FSIP2: variants seen among roughly 807,000 people sequenced by gnomAD.
FSIP2 encodes the protein fibrous sheath interacting protein 2.
A neutral mutation model predicts 510.5 loss-of-function variants in FSIP2; 367 were observed. The ratio of observed to expected loss-of-function variants is 0.72; its 90% CI spans 0.66 to 0.78. The LOEUF (loss-of-function observed/expected upper bound fraction) is 0.78, where lower values mean the gene tolerates loss of function less well. Among genes scored for constraint, FSIP2 ranks in the 30% least tolerant of loss-of-function variants. The pLI, the probability that FSIP2 is intolerant of heterozygous loss-of-function variation, is 0.00. For synonymous variants in FSIP2, 2,601 were observed against 2,732.2 expected (o/e 0.95, Z 1.50); for missense variants, 7,594 against 7,901.7 (o/e 0.96, Z 1.48).
chr2:185,752,781 C>T (rs1031830859), intron 7 of FSIP2, among the ~76,000 whole-genome samples: 4 of 151,254 alleles, frequency 2.6e-5, no homozygotes, highest in African/African-American at 9.7e-5. Flanking sequence ...ATTTTTGAGT[C>T]CATTTCAGTT....
chr2:185,786,382 A>C (rs1226392023), intron 15 of FSIP2, 94 bp downstream of exon 15: 14 of 783,226 alleles, frequency 1.8e-5, no homozygotes, highest in East Asian at 2.7e-5. Context: ...AGTAATAGGA[A>C]TCATCCATTG....
At position 185,800,145 on chromosome 2, in the gene FSIP2, T is replaced by G. The variant is rs778733046; in HGVS notation, c.10839T>G (p.His3613Gln). ...LFQDLLVGVI[H>Q]VLSKEIEVDY... ...AGGATCTCTTAGTAGGAGTGATTCATGTACTGTCCAAAGAAATAGAAGTAG... is the reference window on the plus strand; with the variant it reads ...AGGATCTCTTAGTAGGAGTGATTCAGGTACTGTCCAAAGAAATAGAAGTAG... The change falls in exon 17 of 23, where the codon CAT (histidine) becomes CAG (glutamine). Residue 3613 changes from histidine (H) to glutamine (Q), a missense_variant. By Grantham distance (24) the His-to-Gln change is conservative. Coordinates refer to ENST00000424728, the MANE Select transcript of FSIP2 (RefSeq NM_173651.4). 11 of 1,534,030 alleles carry G rather than the reference T, an allele frequency of 7.2e-6. No individual in the cohort carries two copies. Among genetic ancestry groups the G allele is most frequent in the Non-Finnish European group, 8.7e-6 (10 of 1,145,616 alleles).
In FSIP2 at chr2:185,804,231, T is replaced by G. The variant is rs976411605; in HGVS notation, c.14925T>G (p.Asp4975Glu). The change falls in exon 17 of 23, where the codon GAT becomes GAG. Residue 4975 changes from aspartate (D) to glutamate (E), a missense_variant. Asp to Glu is a conservative substitution (Grantham distance 45). Coordinates refer to ENST00000424728, the MANE Select transcript of FSIP2 (RefSeq NM_173651.4). Reference sequence around the variant, plus strand: ...ACATGTTGGTTACTGAAAATCCAGATAGAGTGAAACTGAAACTTACCAGGA... The same window carrying G: ...ACATGTTGGTTACTGAAAATCCAGAGAGAGTGAAACTGAAACTTACCAGGA... ...SHNMLVTENPDRVKLKLTRIV... is the reference protein window; with the variant it reads ...SHNMLVTENPERVKLKLTRIV... 47 of 1,526,340 alleles carry G rather than the reference T, an allele frequency of 3.1e-5. No homozygotes were observed. Among genetic ancestry groups the G allele is most frequent in the Non-Finnish European group, 3.8e-5 (43 of 1,142,554 alleles). 94.5% of individuals were successfully genotyped at this position (1,526,340 alleles called of 1,614,324 possible).
At position 185,828,165 on chromosome 2, in the gene FSIP2, A is replaced by G; in HGVS notation, c.20483A>G (p.Gln6828Arg). ...PSAKILEESS[Q>R]EQKPEHGNSV... ...TTTTTAATCTCTACAGAAAGTTCTCAGGAACAAAAGCCAGAGCATGGAAAC... is the reference window on the plus strand; with the variant it reads ...TTTTTAATCTCTACAGAAAGTTCTCGGGAACAAAAGCCAGAGCATGGAAAC... Residue 6828 changes from glutamine (Q) to arginine (R), a missense_variant, in exon 21 of 23, where the codon CAG becomes CGG. Transcript: ENST00000424728. 1 of 1,576,542 alleles carries G rather than the reference A, an allele frequency of 6.3e-7. No homozygotes were observed. The highest frequency in any genetic ancestry group is 8.7e-7 in the Non-Finnish European group (1 of 1,147,686).
Position 185,792,244 on chromosome 2 carries a change from G to C in FSIP2, c.5108G>C (p.Gly1703Ala). 6.5e-7 allele frequency: 1 copy of C among 1,533,242 alleles called. No homozygotes were observed. The highest frequency in any genetic ancestry group is 8.7e-7 in the Non-Finnish European group (1 of 1,145,082). The allele number at this position is 1,533,242 out of a possible 1,614,324, so 95.0% of individuals were successfully genotyped here. Residue 1703 changes from glycine to alanine, a missense_variant, in exon 16 of 23, where the codon GGA becomes GCA. Coordinates refer to ENST00000424728, the MANE Select transcript of FSIP2 (RefSeq NM_173651.4). ...TTTAATGAAATGGAATCTGAAGGGG[G>C]AGGCATTGAAACTTATCGATACAGG... ...DMFNEMESEG[G>A]GIETYRYRPT...
Position 185,813,641 on chromosome 2 carries a change from C to A in FSIP2, c.19924C>A (p.Arg6642=). ...TCAAAGTAAAAATGATCTTATTGTT[C>A]GATTAGTAGCTCATGATATTGATCA... ...DVQSKNDLIV[R]LVAHDIDQVY... The change falls in exon 18 of 23, where the codon CGA becomes AGA. Residue 6642 remains arginine (R), a synonymous_variant. Coordinates refer to ENST00000424728, the MANE Select transcript of FSIP2 (RefSeq NM_173651.4). The A allele has an allele frequency of 6.3e-7, 1 of 1,596,630 alleles. No homozygotes were observed. Among genetic ancestry groups the A allele is most frequent in the South Asian group, 1.1e-5 (1 of 88,098 alleles).
Position 185,805,612 on chromosome 2 carries a change from G to C in FSIP2, c.16306G>C (p.Glu5436Gln), listed in dbSNP as rs768402694. ...TACACAAATAAGCAGATGTGCAAAA[G>C]AGAACCAACTTTCTTTACCAGATCA... ...TFTQISRCAK[E>Q]NQLSLPDQSY... The change falls in exon 17 of 23, where the codon GAG (glutamate) becomes CAG (glutamine). Residue 5436 changes from glutamate (E) to glutamine (Q), a missense_variant. By Grantham distance (29) the Glu-to-Gln change is conservative. Transcript: ENST00000424728. The C allele has an allele frequency of 8.7e-6, 14 of 1,608,836 alleles. No individual in the cohort carries two copies. Among genetic ancestry groups the C allele is most frequent in the Non-Finnish European group, 1.2e-5 (14 of 1,177,910 alleles).
At position 185,793,369 on chromosome 2, in the gene FSIP2, A is replaced by G. The variant is rs1401364066; in HGVS notation, c.6233A>G (p.Asn2078Ser). Residue 2078 changes from asparagine (N) to serine (S), a missense_variant, in exon 16 of 23, where the codon AAT becomes AGT. Physicochemically the swap from Asn to Ser is conservative, Grantham distance 46. Transcript: ENST00000424728. ...QQKGVIEKLL[N>S]ETKYRKVLQL... ...AAAGGTGTTATTGAAAAGCTGCTCA[A>G]TGAGACCAAATATCGAAAAGTACTT... 3 of 1,534,064 alleles carry G rather than the reference A, an allele frequency of 2.0e-6. No individual in the cohort carries two copies. The highest frequency in any genetic ancestry group is 2.6e-6 in the Non-Finnish European group (3 of 1,145,574).
In FSIP2 at chr2:185,800,112, C is replaced by A; in HGVS notation, c.10806C>A (p.Asp3602Glu). ...CPGIVSGGFD[D>E]LFQDLLVGVI... ...GAATAGTTTCTGGTGGCTTTGATGA[C>A]CTCTTTCAGGATCTCTTAGTAGGAG... The change falls in exon 17 of 23, where the codon GAC (aspartate) becomes GAA (glutamate). Residue 3602 changes from aspartate to glutamate, a missense_variant. Physicochemically the swap from Asp to Glu is conservative, Grantham distance 45 (BLOSUM62 2). Transcript: ENST00000424728. 6.5e-7 allele frequency: 1 copy of A among 1,533,982 alleles called. No homozygotes were observed. The highest frequency in any genetic ancestry group is 1.2e-5 in the South Asian group (1 of 84,000).
In FSIP2 at chr2:185,803,783, T is replaced by G; in HGVS notation, c.14477T>G (p.Val4826Gly). ...ACTAAATCAGACTTAAGTAATACAG[T>G]GATAAAACTGATAAATGAAATTATG... ...DTTKSDLSNT[V>G]IKLINEIMSI... The change falls in exon 17 of 23, where the codon GTG (valine) becomes GGG (glycine). Residue 4826 changes from valine to glycine, a missense_variant. Coordinates refer to ENST00000424728, the MANE Select transcript of FSIP2 (RefSeq NM_173651.4). The G allele has an allele frequency of 6.6e-7, 1 of 1,518,586 alleles. No homozygotes were observed. The highest frequency in any genetic ancestry group is 8.8e-7 in the Non-Finnish European group (1 of 1,137,304). 94.1% of individuals were successfully genotyped at this position (1,518,586 alleles called of 1,614,324 possible). A position where few individuals can be genotyped will look rare whatever the true frequency, so the allele number is the denominator to read the frequency against.
chr2:185,745,801 C>T (rs1417571605), intron 5 of FSIP2, among the ~76,000 whole-genome samples: 1 of 152,052 alleles, frequency 6.6e-6, no homozygotes, highest in Non-Finnish European at 1.5e-5. Context: ...AAATTAGATT[C>T]AAAATCTTTC....
chr2:185,813,405 C>A, intron 17 of FSIP2, 140 bp from the exon 18 acceptor site: 1 of 458,648 alleles, frequency 2.2e-6, no homozygotes, highest in South Asian at 7.9e-5. Context: ...AAAAATATTG[C>A]TAATATATAA....
chr2:185,746,289 T>A (rs901765758), intron 5 of FSIP2, among the ~76,000 whole-genome samples: 78 of 31,166 alleles, frequency 2.5e-3, no homozygotes, highest in African/African-American at 9.6e-3. Flanking sequence ...AAATGGACTG[T>A]TTTTTTTTTT....
In FSIP2 at chr2:185,800,029, C is replaced by T; in HGVS notation, c.10723C>T (p.Gln3575Ter). Residue 3575 changes from glutamine (Q) to a stop codon, truncating the protein, a stop_gained, in exon 17 of 23, where the codon CAG (glutamine) becomes TAG (stop). Coordinates refer to ENST00000424728, the MANE Select transcript of FSIP2 (RefSeq NM_173651.4). LOFTEE classifies it high-confidence loss of function. ...IKILFNNKII[Q>*]ADIAQKMVAI... Reference sequence around the variant, plus strand: ...AATTCTTTTTAATAATAAAATTATACAGGCTGACATTGCACAGAAAATGGT... The same window carrying T: ...AATTCTTTTTAATAATAAAATTATATAGGCTGACATTGCACAGAAAATGGT... The T allele has an allele frequency of 6.6e-7, 1 of 1,521,352 alleles. No homozygotes were observed. The highest frequency in any genetic ancestry group is 2.0e-5 in the Admixed American group (1 of 49,920). The allele number at this position is 1,521,352 out of a possible 1,614,324, so 94.2% of individuals were successfully genotyped here.
chr2:185,757,831 T>C (rs1692271569), intron 9 of FSIP2, among the ~76,000 whole-genome samples: 1 of 151,328 alleles, frequency 6.6e-6, no homozygotes, highest in Admixed American at 6.6e-5. Flanking sequence ...ATGGAACATT[T>C]TGTACAATTA....
At position 185,807,718 on chromosome 2, in the gene FSIP2, CTAACTCCACATCAGTGTG is replaced by C; in HGVS notation, c.18414_18431del (p.Thr6139_Val6144del). ...GCTGCAGAGCTATTTTTGTGGAGAG[CTAACTCCACATCAGTGTG>C]TGGAAGTTGAAAACATCGTTGAAAA... On this transcript the variant is annotated inframe_deletion, in exon 17 of 23. Coordinates refer to ENST00000424728, the MANE Select transcript of FSIP2 (RefSeq NM_173651.4). 6.2e-7 allele frequency: 1 copy of C among 1,612,480 alleles called. No homozygotes were observed. The highest frequency in any genetic ancestry group is 8.5e-7 in the Non-Finnish European group (1 of 1,179,042).
At position 185,794,176 on chromosome 2, in the gene FSIP2, G is replaced by T. The variant is rs766414438; in HGVS notation, c.7040G>T (p.Arg2347Met). The T allele has an allele frequency of 4.5e-5, 69 of 1,534,398 alleles. No individual in the cohort carries two copies. The highest frequency in any genetic ancestry group is 3.5e-6 in the Non-Finnish European group (4 of 1,145,890). The change falls in exon 16 of 23, where the codon AGG (arginine) becomes ATG (methionine). Residue 2347 changes from arginine to methionine, a missense_variant. By Grantham distance (91) the Arg-to-Met change is moderately conservative. Coordinates refer to ENST00000424728, the MANE Select transcript of FSIP2 (RefSeq NM_173651.4). ...LGSTIHLSQA[R>M]LKTYADVIAS... ...TCCACAATTCACCTATCGCAAGCTA[G>T]GCTTAAGACATATGCTGACGTCATT... is the stretch of plus-strand genomic sequence containing the variant.
intron 19 of FSIP2, among the ~76,000 whole-genome samples, chr2:185,821,589 C>T (rs778337071): frequency 7.3e-5 from 11 of 151,670 alleles, no homozygotes; most frequent in African/African-American, 1.2e-4. Flanking sequence ...ATGACCAAGT[C>T]GGTTTTATCC....
At chr2:185,821,023 A>G (rs867728771) in intron 19 of FSIP2, among the ~76,000 whole-genome samples, 11,316 of 142,120 alleles carry the variant, frequency 0.08, 381 homozygotes, top group Non-Finnish European at 0.099. Flanking sequence ...AAAAAAAAAA[A>G]AAAAAAAAAA....
Sources: allele counts gnomAD v4.1 joint callset (sites outside exome capture counted in the v4.1 genomes callset), GRCh38; gene constraint gnomAD v4.1.1; transcripts MANE v1.5; gene names NCBI Gene and HGNC (gene_info 2026-07-23, HGNC 2026-07-21).